ZBTB7C: variants seen among roughly 807,000 people sequenced by gnomAD.
The protein encoded by ZBTB7C is zinc finger and BTB domain containing 7C.
In ZBTB7C, 8 loss-of-function variants were observed where a neutral mutation model predicts 25.7. The ratio of observed to expected loss-of-function variants is 0.31; its 90% CI spans 0.18 to 0.56. ZBTB7C has a LOEUF of 0.56. ZBTB7C is among the 20% of genes least tolerant of loss of function. The pLI is 0.91. For missense variants in ZBTB7C, 824 were observed against 855.2 expected (o/e 0.96, Z 0.46); for synonymous variants, 394 against 369.0 (o/e 1.07, Z -0.78).
At chr18:48,111,707 G>A (rs1312714715) in intron 3 of ZBTB7C, among the ~76,000 whole-genome samples, 3 of 152,154 alleles carry the variant, frequency 2.0e-5, no homozygotes, top group East Asian at 1.9e-4. Flanking sequence ...TCGTGTGGAC[G>A]GGTGTCTGCA....
At chr18:48,105,061 G>T (rs566116758) in intron 3 of ZBTB7C, among the ~76,000 whole-genome samples, 34 of 152,340 alleles carry the variant, frequency 2.2e-4, no homozygotes, top group African/African-American at 8.2e-4. Flanking sequence ...CAGGATAGCT[G>T]CCCCCACGGG....
chr18:48,246,908 C>T (rs934866805), intron 2 of ZBTB7C, among the ~76,000 whole-genome samples: 3 of 151,976 alleles, frequency 2.0e-5, no homozygotes, highest in Admixed American at 6.6e-5. Context: ...CTAGACTGAG[C>T]GGACCATGAG....
At chr18:48,298,918 T>C (rs2045470345) in intron 2 of ZBTB7C, among the ~76,000 whole-genome samples, 1 of 152,216 alleles carries the variant, frequency 6.6e-6, no homozygotes, top group Non-Finnish European at 1.5e-5. Context: ...TCTTTCTTTG[T>C]CACCTGTCCA....
At chr18:48,227,171 G>A (rs1316633107) in intron 2 of ZBTB7C, among the ~76,000 whole-genome samples, 2 of 152,208 alleles carry the variant, frequency 1.3e-5, no homozygotes, top group Admixed American at 1.3e-4. Context: ...GGCTGTCTGG[G>A]CCAGGAGGGC....
At chr18:48,178,933 G>A (rs1163809919) in intron 3 of ZBTB7C, among the ~76,000 whole-genome samples, 4 of 152,144 alleles carry the variant, frequency 2.6e-5, no homozygotes, top group Non-Finnish European at 1.5e-5. Flanking sequence ...CCCACCAAGG[G>A]TGGCCATGGA....
chr18:48,173,707 T>G (rs771663243), intron 3 of ZBTB7C, among the ~76,000 whole-genome samples: 3 of 152,226 alleles, frequency 2.0e-5, no homozygotes, highest in Non-Finnish European at 4.4e-5. Flanking sequence ...AATTTTACAC[T>G]GAGTGCCTCA....
intron 1 of ZBTB7C, among the ~76,000 whole-genome samples, chr18:48,361,950 G>A (rs921805320): frequency 3.9e-5 from 6 of 152,176 alleles, no homozygotes; most frequent in East Asian, 1.9e-4. Flanking sequence ...GCCTCCCCTC[G>A]TGTAACTCCA....
chr18:48,114,239 A>C (rs917644318), intron 3 of ZBTB7C, among the ~76,000 whole-genome samples: 29 of 152,274 alleles, frequency 1.9e-4, no homozygotes, highest in African/African-American at 7.0e-4. Context: ...TATTTTATGA[A>C]GTTGGACACA....
At chr18:48,094,184 C>T (rs931199818) in intron 3 of ZBTB7C, among the ~76,000 whole-genome samples, 1 of 152,228 alleles carries the variant, frequency 6.6e-6, no homozygotes, top group Non-Finnish European at 1.5e-5. Flanking sequence ...TCAGATGGTA[C>T]TGACCTGATG....
At chr18:48,159,709 G>C (rs2040942450) in intron 3 of ZBTB7C, among the ~76,000 whole-genome samples, 1 of 152,120 alleles carries the variant, frequency 6.6e-6, no homozygotes, top group Non-Finnish European at 1.5e-5. Context: ...TATTAAAATT[G>C]GTAATAGTAG....
chr18:48,409,758 C>T (rs2048362109), upstream of ZBTB7C, among the ~76,000 whole-genome samples: 1 of 152,046 alleles, frequency 6.6e-6, no homozygotes, highest in Non-Finnish European at 1.5e-5. Context: ...GGCCGGGCAC[C>T]GCCACCAACC....
chr18:48,409,679 C>T (rs1400672553), upstream of ZBTB7C, among the ~76,000 whole-genome samples: 4 of 152,002 alleles, frequency 2.6e-5, no homozygotes, highest in Admixed American at 1.3e-4. Context: ...GGCGGCGCGG[C>T]GGGGGGCGCC....
chr18:48,349,506 G>A (rs553928766), intron 1 of ZBTB7C, among the ~76,000 whole-genome samples: 10 of 152,294 alleles, frequency 6.6e-5, no homozygotes, highest in African/African-American at 1.9e-4. Flanking sequence ...ATAAGGGGGC[G>A]TGTGGTCTTG....
intron 3 of ZBTB7C, among the ~76,000 whole-genome samples, chr18:48,180,882 T>G (rs2041900515): frequency 6.6e-6 from 1 of 152,252 alleles, no homozygotes; most frequent in Non-Finnish European, 1.5e-5. Context: ...CTGTTTGAAC[T>G]GTTACTTAGT....
intron 3 of ZBTB7C, among the ~76,000 whole-genome samples, chr18:48,085,285 G>A (rs2038152749): frequency 2.0e-5 from 3 of 152,160 alleles, no homozygotes; most frequent in East Asian, 1.9e-4. Flanking sequence ...GCAAGAGGGA[G>A]GGAAAGGCCC....
At chr18:48,304,293 A>C (rs1051918851) in intron 2 of ZBTB7C, among the ~76,000 whole-genome samples, 4 of 152,226 alleles carry the variant, frequency 2.6e-5, no homozygotes, top group South Asian at 4.1e-4. Flanking sequence ...TACTTTACTG[A>C]GACCAGAGTA....
intron 3 of ZBTB7C, among the ~76,000 whole-genome samples, chr18:48,063,649 A>G (rs1202613697): frequency 1.3e-5 from 2 of 152,244 alleles, no homozygotes; most frequent in South Asian, 2.1e-4. Flanking sequence ...GCCAATTGCC[A>G]TGGCCAGCTT....
intron 3 of ZBTB7C, among the ~76,000 whole-genome samples, chr18:48,085,028 G>A (rs910600861): frequency 3.3e-5 from 5 of 152,120 alleles, no homozygotes; most frequent in Admixed American, 1.3e-4. Context: ...CCCAGCCCCC[G>A]GGAATGGTGT....
Position 48,029,598 on chromosome 18 carries a change from G to A in ZBTB7C, c.1522C>T (p.Pro508Ser). Residue 508 changes from proline (P) to serine (S), a missense_variant, in exon 5 of 5, where the codon CCC (proline) becomes TCC (serine). Pro to Ser is a moderately conservative substitution (Grantham distance 74). Coordinates refer to ENST00000590800, the MANE Select transcript of ZBTB7C (RefSeq NM_001318841.2). ...PAPDKAAFVM[P>S]PALGEVGGHL... Reference sequence around the variant, plus strand: ...CCGCCCACCTCGCCCAGCGCAGGGGGCATCACGAAGGCCGCCTTGTCGGGG... The same window carrying A: ...CCGCCCACCTCGCCCAGCGCAGGGGACATCACGAAGGCCGCCTTGTCGGGG... 1.3e-6 allele frequency: 2 copies of A among 1,488,740 alleles called. No homozygotes were observed. Among genetic ancestry groups the A allele is most frequent in the Non-Finnish European group, 1.8e-6 (2 of 1,130,750 alleles). 92.2% of individuals were successfully genotyped at this position (1,488,740 alleles called of 1,614,324 possible).
Sources: allele counts gnomAD v4.1 joint callset (sites outside exome capture counted in the v4.1 genomes callset), GRCh38; gene constraint gnomAD v4.1.1; transcripts MANE v1.5; gene names NCBI Gene and HGNC (gene_info 2026-07-23, HGNC 2026-07-21).